AHCY: variants seen among roughly 807,000 people sequenced by gnomAD.
AHCY encodes the protein S-adenosyl-L-homocysteine hydrolase.
Under a neutral mutation model 45.4 loss-of-function variants are expected in AHCY, and 24 were observed. The ratio of observed to expected loss-of-function variants is 0.53; its 90% CI spans 0.38 to 0.74. AHCY has a LOEUF of 0.74. AHCY is among the 30% of genes least tolerant of loss of function. The probability of loss-of-function intolerance (pLI) is 0.00; values close to 1 mark genes in which losing one functional copy is unlikely to be tolerated. For synonymous variants in AHCY, 245 were observed against 235.1 expected (o/e 1.04, Z -0.39); for missense variants, 449 against 594.1 (o/e 0.76, Z 2.54).
At chr20:34,310,738 T>C (rs1478653229) in intron 1 of AHCY, among the ~76,000 whole-genome samples, 3 of 152,228 alleles carry the variant, frequency 2.0e-5, no homozygotes, top group Non-Finnish European at 4.4e-5. Context: ...AGAATGATCT[T>C]CAAGATATGG....
At chr20:34,293,663 C>G (rs935622345) in intron 3 of AHCY, 5 of 345,328 alleles carry the variant, frequency 1.4e-5, no homozygotes, top group Non-Finnish European at 2.8e-5. Context: ...AGACATGTGC[C>G]CAGCCTGTGA....
chr20:34,289,106 C>T (rs1165399775), intron 8 of AHCY, among the ~76,000 whole-genome samples: 2 of 152,114 alleles, frequency 1.3e-5, no homozygotes, highest in African/African-American at 2.4e-5. Context: ...CACGTTTAAG[C>T]GATTCTCATG....
the AHCY span, chr20:34,260,609 C>A: frequency 7.0e-7 from 1 of 1,426,270 alleles, no homozygotes; most frequent in South Asian, 1.4e-5. Context: ...CAGGGTGCTA[C>A]CAGGATCCAC....
intron 1 of AHCY, among the ~76,000 whole-genome samples, chr20:34,296,401 T>G (rs2036579214): frequency 6.6e-6 from 1 of 152,178 alleles, no homozygotes; most frequent in Non-Finnish European, 1.5e-5. Flanking sequence ...TCCTCTGGCT[T>G]TGAGGTTATT....
At chr20:34,302,955 A>G (rs2036831321) in intron 1 of AHCY, 2 of 985,432 alleles carry the variant, frequency 2.0e-6, no homozygotes, top group Non-Finnish European at 2.4e-6. Context: ...GGCCGTGGCC[A>G]GGTGTGCTCT....
the AHCY span, among the ~76,000 whole-genome samples, chr20:34,240,320 A>G: frequency 6.6e-6 from 1 of 152,180 alleles, no homozygotes; most frequent in Non-Finnish European, 1.5e-5. Flanking sequence ...TTCATGGAGC[A>G]GGTGCTGTGC....
intron 9 of AHCY, among the ~76,000 whole-genome samples, chr20:34,283,625 A>G (rs2036076025): frequency 6.6e-6 from 1 of 152,202 alleles, no homozygotes; most frequent in African/African-American, 2.4e-5. Flanking sequence ...AGGCCTGACC[A>G]ATTTCTCACC....
upstream of AHCY, among the ~76,000 whole-genome samples, chr20:34,305,436 C>T (rs1032842237): frequency 5.3e-5 from 8 of 152,118 alleles, no homozygotes; most frequent in African/African-American, 1.9e-4. Flanking sequence ...GGGCCGATGT[C>T]AAGCAGAGAC....
chr20:34,258,866 T>A, the AHCY span, among the ~76,000 whole-genome samples: 4 of 126,156 alleles, frequency 3.2e-5, no homozygotes, highest in African/African-American at 1.1e-4. Flanking sequence ...ATATGATATA[T>A]ATAATACTAT....
intron 3 of AHCY, 67 bp downstream of exon 3, chr20:34,294,014 A>T: frequency 1.3e-6 from 2 of 1,485,636 alleles, no homozygotes; most frequent in East Asian, 4.5e-5. Context: ...TTGCTCTAGC[A>T]GTCAGTGAAG....
chr20:34,236,803 G>A, the AHCY span, among the ~76,000 whole-genome samples: 1 of 152,150 alleles, frequency 6.6e-6, no homozygotes, highest in Non-Finnish European at 1.5e-5. Context: ...TATTTGCCTG[G>A]GAAAATCTTC....
the AHCY span, chr20:34,260,500 G>C: frequency 6.2e-7 from 1 of 1,613,734 alleles, no homozygotes; most frequent in South Asian, 1.1e-5. Flanking sequence ...ACTCCTCTGT[G>C]AACCTACTGG....
chr20:34,235,862 AAGGAAAGGAAGGAAGGAAGG>A, the AHCY span, among the ~76,000 whole-genome samples: 1 of 54,948 alleles, frequency 1.8e-5, no homozygotes, highest in African/African-American at 2.3e-4. Context: ...GGAAGGAAGG[AAGGAAAGGAAGGAAGGAAGG>A]AAGGAAGGAA....
chr20:34,290,288 C>T lies in AHCY; in HGVS notation c.972+44G>A, dbSNP rs1225801486. 1.9e-6 allele frequency: 3 copies of T among 1,577,772 alleles called. No individual in the cohort carries two copies. Among genetic ancestry groups the T allele is most frequent in the Non-Finnish European group, 1.7e-6 (2 of 1,149,550 alleles). On this transcript the variant is annotated intron_variant, in intron 8 of 9. Transcript: ENST00000217426. The surrounding 1 kb of genome is among the most constrained non-coding windows in gnomAD (Gnocchi z 4.5). Reference sequence around the variant, plus strand: ...CTCCCTGGCAGCCAGCACTCCTCTGCACTCCCATCTGCCCAGCCCACTGGC... The same window carrying T: ...CTCCCTGGCAGCCAGCACTCCTCTGTACTCCCATCTGCCCAGCCCACTGGC...
chr20:34,289,659 G>A (rs1166355116), intron 8 of AHCY, among the ~76,000 whole-genome samples: 1 of 151,382 alleles, frequency 6.6e-6, no homozygotes, highest in Non-Finnish European at 1.5e-5. Context: ...TCTATTTTTA[G>A]TAGAGATGGG....
chr20:34,237,809 T>G, the AHCY span, among the ~76,000 whole-genome samples: 2 of 152,216 alleles, frequency 1.3e-5, no homozygotes, highest in African/African-American at 2.4e-5. Context: ...GCTTTTATTA[T>G]GTTGAAGCAG....
the AHCY span, among the ~76,000 whole-genome samples, chr20:34,264,871 T>C: frequency 1.3e-5 from 2 of 148,606 alleles, no homozygotes; most frequent in Non-Finnish European, 3.0e-5. Context: ...TCTCGGCTCA[T>C]TGCAGCCTCA....
rs911329623 is a variant in AHCY at position 34,290,945 on chromosome 20, G to A, written c.559-7C>T. On this transcript the variant is annotated splice_polypyrimidine_tract_variant and splice_region_variant and intron_variant, in intron 5 of 9. Transcript: ENST00000217426. This position sits in a 1 kb window ranked among gnomAD's most constrained non-coding sequence, Gnocchi z 4.5. ...AGAGGTTGTCAAACTTGCTCTGAAA[G>A]GAAAGGGGGTAAGGAGACAATAGGG... is the stretch of plus-strand genomic sequence containing the variant. 1 of 1,613,998 alleles carries A rather than the reference G, an allele frequency of 6.2e-7. No individual in the cohort carries two copies. Among genetic ancestry groups the A allele is most frequent in the African/African-American group, 1.3e-5 (1 of 75,026 alleles).
chr20:34,241,367 T>C, the AHCY span: 2 of 789,064 alleles, frequency 2.5e-6, no homozygotes, highest in African/African-American at 3.7e-5. Flanking sequence ...GAAATAATTT[T>C]GTAGTATGAT....
Sources: gnomAD v4.1 joint callset for allele counts (sites outside exome capture counted in the v4.1 genomes callset) on GRCh38, gnomAD v4.1.1 for gene constraint, Gnocchi (gnomAD v3.1) non-coding constraint, MANE v1.5 for transcripts, NCBI Gene and HGNC (gene_info 2026-07-23, HGNC 2026-07-21) for gene names.